The following CACNA1C variants were observed in gnomAD, a reference collection of about 807,000 sequenced individuals.
CACNA1C encodes the protein calcium voltage-gated channel subunit alpha1 C, also known as voltage-dependent L-type calcium channel subunit alpha-1C.
In CACNA1C, 30 loss-of-function variants were observed where a neutral mutation model predicts 229.0. That is an observed-to-expected ratio of 0.13 (90% confidence interval 0.10 to 0.18). CACNA1C has a LOEUF of 0.18. Among genes scored for constraint, CACNA1C ranks in the 10% least tolerant of loss-of-function variants. CACNA1C has a pLI of 1.00. For missense variants in CACNA1C, 1,658 were observed against 2,845.0 expected (o/e 0.58, Z 9.49); for synonymous variants, 1,114 against 1,132.5 (o/e 0.98, Z 0.33).
chr12:2,212,493 T>C (rs1459891906), intron 3 of CACNA1C, among the ~76,000 whole-genome samples: 1 of 152,260 alleles, frequency 6.6e-6, no homozygotes. Context: ...TAATCTGATC[T>C]GCTTAAAGCA....
intron 3 of CACNA1C, among the ~76,000 whole-genome samples, chr12:2,177,634 C>CTCTCTCTT (rs1555275141): frequency 2.7e-5 from 3 of 112,874 alleles, no homozygotes; most frequent in Non-Finnish European, 5.1e-5. Flanking sequence ...CCTTCTCTCT[C>CTCTCTCTT]TCTTTCTTTC....
Position 2,108,510 on chromosome 12 carries a change from T to C in CACNA1C, c.50-6714T>C, listed in dbSNP as rs1472576620. ...ACGTAGTTTTGATTCAGTTCTTGAT[T>C]GGCAAAAGTTGTGTCAGGAATTCTC... On this transcript the variant is annotated intron_variant, in intron 1 of 46. Transcript: ENST00000399655. The surrounding 1 kb of genome is among the most constrained non-coding windows in gnomAD (Gnocchi z 5.3). 6.6e-6 allele frequency among the ~76,000 whole-genome samples: 1 copy of C among 152,202 alleles called. No individual in the cohort carries two copies. The highest frequency in any genetic ancestry group is 2.4e-5 in the African/African-American group (1 of 41,454).
intron 11 of CACNA1C, among the ~76,000 whole-genome samples, chr12:2,561,477 A>T (rs2047459296): frequency 6.6e-6 from 1 of 152,208 alleles, no homozygotes; most frequent in Admixed American, 6.5e-5. Context: ...TATTTCTTGG[A>T]TGTGTAACTA....
chr12:2,157,793 C>A (rs2095628757), intron 3 of CACNA1C, among the ~76,000 whole-genome samples: 1 of 152,006 alleles, frequency 6.6e-6, no homozygotes, highest in South Asian at 2.1e-4. Flanking sequence ...AGCTAACAAG[C>A]AAAGGATGCC....
chr12:2,271,385 C>G (rs1297177110), intron 3 of CACNA1C, among the ~76,000 whole-genome samples: 1 of 152,202 alleles, frequency 6.6e-6, no homozygotes. Context: ...GAATCTCCCC[C>G]ATGAGGCAGT....
At position 2,120,395 on chromosome 12, in the gene CACNA1C, C is replaced by T; in HGVS notation, c.442C>T (p.Pro148Ser). 6.2e-7 allele frequency: 1 copy of T among 1,610,542 alleles called. No homozygotes were observed. The highest frequency in any genetic ancestry group is 2.2e-5 in the East Asian group (1 of 44,868). Residue 148 changes from proline to serine, a missense_variant, in exon 3 of 47, where the codon CCA (proline) becomes TCA (serine). By Grantham distance (74) the Pro-to-Ser change is moderately conservative (BLOSUM62 -1). Transcript: ENST00000399655. ...GGCCTTAGCGATCTATATTCCCTTTCCAGAAGATGATTCCAACGCCACCAA... is the reference window on the plus strand; with the variant it reads ...GGCCTTAGCGATCTATATTCCCTTTTCAGAAGATGATTCCAACGCCACCAA... The part of the protein sequence containing the change: ...CVALAIYIPF[P>S]EDDSNATNSN...
Position 2,677,963 on chromosome 12 carries a change from G to C in CACNA1C, c.5091+96G>C. ...TTGCGGGGAACGTCCAGGGGAAGGA[G>C]CTGCACCAGAGGAAAGGGCTACTTC... On this transcript the variant is annotated intron_variant, in intron 41 of 46. Transcript: ENST00000399655. This position sits in a 1 kb window ranked among gnomAD's most constrained non-coding sequence, Gnocchi z 7.4. 1 of 1,425,392 alleles carries C rather than the reference G, an allele frequency of 7.0e-7. No homozygotes were observed. The highest frequency in any genetic ancestry group is 1.7e-5 in the Admixed American group (1 of 57,724). 88.3% of individuals were successfully genotyped at this position (1,425,392 alleles called of 1,614,324 possible). A position where few individuals can be genotyped will look rare whatever the true frequency, so the allele number is the denominator to read the frequency against.
chr12:2,590,865 A>C (rs2064971749), intron 18 of CACNA1C, among the ~76,000 whole-genome samples: 1 of 152,242 alleles, frequency 6.6e-6, no homozygotes, highest in African/African-American at 2.4e-5. Flanking sequence ...AACTGAAAAG[A>C]ATACAAACAC....
chr12:2,107,746 C>A (rs1284541351), intron 1 of CACNA1C, among the ~76,000 whole-genome samples: 1 of 152,196 alleles, frequency 6.6e-6, no homozygotes, highest in African/African-American at 2.4e-5. Flanking sequence ...GTGGTTAATT[C>A]TTGATCAGAA....
intron 3 of CACNA1C, among the ~76,000 whole-genome samples, chr12:2,159,052 T>C (rs893694805): frequency 6.6e-6 from 1 of 152,150 alleles, no homozygotes. Context: ...ATAAGCATAT[T>C]ATTAAAAATA....
chr12:2,672,494 A>C (rs755831911), intron 38 of CACNA1C, among the ~76,000 whole-genome samples: 1 of 152,210 alleles, frequency 6.6e-6, no homozygotes, highest in Admixed American at 6.5e-5. Context: ...AGGTGTCAGC[A>C]GAGTTGGTTC....
In CACNA1C at chr12:2,651,449, G is replaced by A; in HGVS notation, c.3946-191G>A. 1.4e-6 allele frequency: 1 copy of A among 710,904 alleles called. No homozygotes were observed. 44.0% of individuals were successfully genotyped at this position (710,904 alleles called of 1,614,324 possible). On this transcript the variant is annotated intron_variant, in intron 31 of 46. Transcript: ENST00000399655. The surrounding 1 kb of genome is among the most constrained non-coding windows in gnomAD (Gnocchi z 5.4). ...CCTGGGCACAGTCTAGCTCTGCAGAGACCATGGGGCTGGGCTGTCCACTCA... is the reference window on the plus strand; with the variant it reads ...CCTGGGCACAGTCTAGCTCTGCAGAAACCATGGGGCTGGGCTGTCCACTCA...
At chr12:2,466,536 C>T (rs2099551937) in intron 5 of CACNA1C, among the ~76,000 whole-genome samples, 1 of 152,242 alleles carries the variant, frequency 6.6e-6, no homozygotes, top group South Asian at 2.1e-4. Context: ...GAGGCTCAAA[C>T]CACAGTGCTT....
rs905379178 is a variant in CACNA1C at position 2,215,153 on chromosome 12, T to G, written c.477+94723T>G. On this transcript the variant is annotated intron_variant, in intron 3 of 46. Transcript: ENST00000399655. This position sits in a 1 kb window ranked among gnomAD's most constrained non-coding sequence, Gnocchi z 5.0. ...GTTTGCCGGCATATCTGGGGTTCCC[T>G]GGTCACTGAGACATCAGAGACATGT... Among the ~76,000 whole-genome samples, 2 of 152,210 alleles carry G rather than the reference T, an allele frequency of 1.3e-5. No individual in the cohort carries two copies. The highest frequency in any genetic ancestry group is 3.9e-4 in the East Asian group (2 of 5,188).
At chr12:2,121,547 C>T (rs1400410257) in intron 3 of CACNA1C, among the ~76,000 whole-genome samples, 5 of 152,198 alleles carry the variant, frequency 3.3e-5, no homozygotes, top group East Asian at 1.9e-4. Flanking sequence ...TCTTGTGGCT[C>T]GGCTTGGGGC....
At chr12:2,070,859 T>A (rs1212499089) in intron 1 of CACNA1C, among the ~76,000 whole-genome samples, 1 of 151,876 alleles carries the variant, frequency 6.6e-6, no homozygotes, top group Non-Finnish European at 1.5e-5. Flanking sequence ...CTCTTCCTTT[T>A]TCTTTCTTTA....
chr12:2,408,784 T>A (rs1013060462), intron 3 of CACNA1C, among the ~76,000 whole-genome samples: 1 of 152,214 alleles, frequency 6.6e-6, no homozygotes. Context: ...TGAAGTCTTA[T>A]TCATTTCAAT....
intron 3 of CACNA1C, among the ~76,000 whole-genome samples, chr12:2,125,614 G>T (rs1399752062): frequency 6.6e-6 from 1 of 152,182 alleles, no homozygotes; most frequent in Non-Finnish European, 1.5e-5. Flanking sequence ...TCATAGAGAT[G>T]ATTAAAATGC....
rs1015319190 is a variant in CACNA1C, at chr12:2,595,512, T to A, written c.2664-362T>A. On this transcript the variant is annotated intron_variant, in intron 19 of 46. Transcript: ENST00000399655. The surrounding 1 kb of genome is among the most constrained non-coding windows in gnomAD (Gnocchi z 4.1). The stretch of plus-strand genomic sequence containing the variant: ...GCATACCCAGCTCCGGGTAGTCCTA[T>A]TGTGCCTTATGCATAAGCATAGAGT... Among the ~76,000 whole-genome samples the A allele has an allele frequency of 1.3e-5, 2 of 152,110 alleles. No homozygotes were observed. The highest frequency in any genetic ancestry group is 2.9e-5 in the Non-Finnish European group (2 of 68,028).
Sources: allele counts gnomAD v4.1 joint callset (sites outside exome capture counted in the v4.1 genomes callset), GRCh38; gene constraint gnomAD v4.1.1; non-coding constraint Gnocchi (gnomAD v3.1); transcripts MANE v1.5; gene names NCBI Gene and HGNC (gene_info 2026-07-23, HGNC 2026-07-21).